TMEM117: variants seen among roughly 807,000 people sequenced by gnomAD.
TMEM117 encodes the protein transmembrane protein 117.
TMEM117 carries 27 observed loss-of-function variants against 52.4 expected under a neutral mutation model. The observed-to-expected ratio is 0.51, with a 90% CI of 0.38 to 0.71. The LOEUF is 0.71. Among genes scored for constraint, TMEM117 ranks in the 30% least tolerant of loss-of-function variants. TMEM117 has a pLI of 0.00. For synonymous variants in TMEM117, 215 were observed against 206.3 expected (o/e 1.04, Z -0.36); for missense variants, 556 against 630.5 (o/e 0.88, Z 1.26).
intron 3 of TMEM117, among the ~76,000 whole-genome samples, chr12:44,095,421 G>A (rs182312568): frequency 2.6e-4 from 39 of 152,172 alleles, no homozygotes; most frequent in Non-Finnish European, 4.7e-4. Context: ...GAGTGGATTT[G>A]AATAGAAATC....
chr12:44,315,310 C>A (rs1330367955), intron 6 of TMEM117, among the ~76,000 whole-genome samples: 1 of 151,968 alleles, frequency 6.6e-6, no homozygotes, highest in Non-Finnish European at 1.5e-5. Context: ...TTAGTTTATT[C>A]TTAGTTTTCT....
intron 3 of TMEM117, among the ~76,000 whole-genome samples, chr12:43,957,800 A>C (rs1592392866): frequency 2.0e-5 from 3 of 152,224 alleles, no homozygotes; most frequent in Admixed American, 2.0e-4. Flanking sequence ...AATTTAGGAA[A>C]GGCTTGCTTG....
chr12:44,255,625 T>C (rs1950251234), intron 5 of TMEM117, among the ~76,000 whole-genome samples: 1 of 152,122 alleles, frequency 6.6e-6, no homozygotes, highest in Non-Finnish European at 1.5e-5. Context: ...CAGTTAATTG[T>C]AAAAGCAGGA....
intron 2 of TMEM117, among the ~76,000 whole-genome samples, chr12:43,912,421 G>T (rs1471431618): frequency 6.6e-6 from 1 of 150,764 alleles, no homozygotes; most frequent in Non-Finnish European, 1.5e-5. Context: ...TGGGTGCAGT[G>T]CACCAGCATG....
intron 2 of TMEM117, among the ~76,000 whole-genome samples, chr12:43,931,529 A>G: frequency 6.6e-6 from 1 of 152,214 alleles, no homozygotes. Flanking sequence ...AATTATAACT[A>G]TGTTCCATAT....
chr12:43,820,884 G>A, the TMEM117 span, among the ~76,000 whole-genome samples: 9 of 151,588 alleles, frequency 5.9e-5, no homozygotes, highest in East Asian at 2.0e-4. Flanking sequence ...GGCGGATCAC[G>A]AGGTCAGGAG....
the TMEM117 span, chr12:43,806,208 C>T: frequency 6.5e-7 from 1 of 1,540,162 alleles, no homozygotes; most frequent in Non-Finnish European, 8.7e-7. Flanking sequence ...CGAGTCGCGC[C>T]GGGCGCTGTT....
At position 44,081,883 on chromosome 12, in the gene TMEM117, G is replaced by C. The variant is rs574960948; in HGVS notation, c.411-61642G>C. On this transcript the variant is annotated intron_variant, in intron 3 of 7. Coordinates refer to ENST00000266534, the MANE Select transcript of TMEM117 (RefSeq NM_032256.3). ...GTCACATATACAGTATTAGGTTTTA[G>C]AGCCAGAACCACAATTACTATGAGA... Among the ~76,000 whole-genome samples, 9 of 152,062 alleles carry C rather than the reference G, an allele frequency of 5.9e-5. No homozygotes were observed. In the South Asian group the frequency reaches 1.9e-3, roughly 32 times the overall value.
chr12:43,946,109 A>G (rs1945127348), intron 3 of TMEM117, among the ~76,000 whole-genome samples: 1 of 152,224 alleles, frequency 6.6e-6, no homozygotes, highest in Non-Finnish European at 1.5e-5. Context: ...TTTTAATACC[A>G]GGTCTGTTTT....
chr12:44,281,328 C>T (rs1013530604), intron 5 of TMEM117, among the ~76,000 whole-genome samples: 2 of 151,722 alleles, frequency 1.3e-5, no homozygotes, highest in Non-Finnish European at 2.9e-5. Context: ...TGTCATGCGG[C>T]CCTTATCATG....
At chr12:44,093,495 G>A (rs182626834) in intron 3 of TMEM117, among the ~76,000 whole-genome samples, 3 of 152,050 alleles carry the variant, frequency 2.0e-5, no homozygotes, top group South Asian at 2.1e-4. Context: ...GAGGACATTG[G>A]CACAAACCTC....
intron 6 of TMEM117, among the ~76,000 whole-genome samples, chr12:44,304,391 A>G (rs1823910808): frequency 6.6e-6 from 1 of 152,216 alleles, no homozygotes; most frequent in African/African-American, 2.4e-5. Flanking sequence ...AAGGCAGTCT[A>G]GGCCACAAGG....
chr12:44,164,843 A>G (rs551512361), intron 4 of TMEM117, among the ~76,000 whole-genome samples: 3 of 152,308 alleles, frequency 2.0e-5, no homozygotes, highest in African/African-American at 7.2e-5. Flanking sequence ...ATTTTGATAC[A>G]TGCATGCAAC....
At chr12:43,864,836 A>G (rs949153108) in intron 2 of TMEM117, among the ~76,000 whole-genome samples, 1 of 152,184 alleles carries the variant, frequency 6.6e-6, no homozygotes, top group Non-Finnish European at 1.5e-5. Flanking sequence ...GCTGTTTGCA[A>G]TAAATCTTGC....
At chr12:44,294,376 C>T (rs535613087) in intron 5 of TMEM117, among the ~76,000 whole-genome samples, 2 of 152,270 alleles carry the variant, frequency 1.3e-5, no homozygotes, top group East Asian at 1.9e-4. Flanking sequence ...TGTTTCTGTT[C>T]ATGTCTTCTA....
intron 6 of TMEM117, among the ~76,000 whole-genome samples, chr12:44,317,542 C>T (rs997440098): frequency 6.6e-6 from 1 of 151,956 alleles, no homozygotes; most frequent in Non-Finnish European, 1.5e-5. Flanking sequence ...TTACAGGTGC[C>T]TGCCACTACA....
At chr12:43,815,377 G>C in the TMEM117 span, among the ~76,000 whole-genome samples, 2 of 152,148 alleles carry the variant, frequency 1.3e-5, no homozygotes, top group South Asian at 4.1e-4. Context: ...AGGAAGTCAG[G>C]GAAGTTTCTG....
chr12:43,865,426 C>T (rs1271279288), intron 2 of TMEM117, among the ~76,000 whole-genome samples: 2 of 152,122 alleles, frequency 1.3e-5, no homozygotes, highest in African/African-American at 2.4e-5. Context: ...GCCAGGTATA[C>T]TGGCTCAGAC....
rs1309332518 is a variant in TMEM117 at position 44,181,056 on chromosome 12, A to G, written c.511-30234A>G. Among the ~76,000 whole-genome samples the G allele has an allele frequency of 1.7e-3, 261 of 152,170 alleles. 1 individual carries two copies. The highest frequency in any genetic ancestry group is 6.2e-3 in the African/African-American group (256 of 41,500). ...TAATGATTGCCATTCTAACTGGTGT[A>G]AAATGGTATCTCATTGTGGTTTTGA... On this transcript the variant is annotated intron_variant, in intron 4 of 7. Coordinates refer to ENST00000266534, the MANE Select transcript of TMEM117 (RefSeq NM_032256.3).
Sources: allele counts gnomAD v4.1 joint callset (sites outside exome capture counted in the v4.1 genomes callset), GRCh38; gene constraint gnomAD v4.1.1; transcripts MANE v1.5; gene names NCBI Gene and HGNC (gene_info 2026-07-23, HGNC 2026-07-21).